CCDC7: variants seen among roughly 807,000 people sequenced by gnomAD.
CCDC7 encodes the protein coiled-coil domain-containing protein 7.
In CCDC7, 183 loss-of-function variants were observed where a neutral mutation model predicts 196.9. The ratio of observed to expected loss-of-function variants is 0.93; its 90% CI spans 0.82 to 1.05. The LOEUF is 1.05. CCDC7 is among the 50% of genes least tolerant of loss of function. The pLI is 0.00. For synonymous variants in CCDC7, 525 were observed against 484.6 expected (o/e 1.08, Z -1.10); for missense variants, 1,540 against 1,482.2 (o/e 1.04, Z -0.64).
intron 29 of CCDC7, among the ~76,000 whole-genome samples, chr10:32,791,078 T>C (rs1220266142): frequency 6.6e-6 from 1 of 152,122 alleles, no homozygotes; most frequent in African/African-American, 2.4e-5. Flanking sequence ...CTACTATCAC[T>C]GCCACAAATT....
intron 31 of CCDC7, among the ~76,000 whole-genome samples, chr10:32,816,078 C>T (rs569062462): frequency 6.7e-6 from 1 of 148,244 alleles, no homozygotes; most frequent in Admixed American, 6.6e-5. Context: ...AGGGAATTCC[C>T]TTTCCTAGTA....
chr10:32,655,540 T>C (rs1336431264), intron 20 of CCDC7, among the ~76,000 whole-genome samples: 1 of 152,172 alleles, frequency 6.6e-6, no homozygotes, highest in Admixed American at 6.5e-5. Context: ...TTTGTTTGTT[T>C]TTGAGAGACA....
chr10:32,521,893 G>C (rs1319278442), intron 11 of CCDC7, among the ~76,000 whole-genome samples: 1 of 152,080 alleles, frequency 6.6e-6, no homozygotes, highest in Non-Finnish European at 1.5e-5. Context: ...CCAGTTTTTA[G>C]AGGATTTTTA....
At chr10:32,838,397 T>C (rs2092765731) in intron 33 of CCDC7, among the ~76,000 whole-genome samples, 1 of 151,994 alleles carries the variant, frequency 6.6e-6, no homozygotes, top group Admixed American at 6.6e-5. Context: ...ACTTCAGAGC[T>C]CGATGACAAG....
intron 28 of CCDC7, among the ~76,000 whole-genome samples, chr10:32,750,273 A>G (rs181988102): frequency 1.2e-3 from 179 of 152,276 alleles, no homozygotes; most frequent in African/African-American, 4.2e-3. Flanking sequence ...TTATGGGTAT[A>G]TAAGTCATGA....
upstream of CCDC7, among the ~76,000 whole-genome samples, chr10:32,446,949 C>CTTCCCCTCTTCCCTT (rs2031407138): frequency 6.0e-5 from 1 of 16,612 alleles, no homozygotes; most frequent in Non-Finnish European, 9.2e-5. Context: ...TTCCCTTCCT[C>CTTCCCCTCTTCCCTT]CCTCCCTCCC....
intron 23 of CCDC7, among the ~76,000 whole-genome samples, chr10:32,693,057 C>T (rs1336185586): frequency 3.9e-5 from 6 of 152,182 alleles, no homozygotes; most frequent in African/African-American, 1.2e-4. Context: ...GATTTGTTTA[C>T]ACTCCACCTC....
intron 21 of CCDC7, among the ~76,000 whole-genome samples, chr10:32,670,662 A>G (rs1183455796): frequency 6.6e-6 from 1 of 151,066 alleles, no homozygotes; most frequent in Non-Finnish European, 1.5e-5. Flanking sequence ...TGTTCTTGCG[A>G]TAGTTTACTG....
At chr10:32,558,577 C>G (rs915527893) in intron 13 of CCDC7, among the ~76,000 whole-genome samples, 1 of 152,122 alleles carries the variant, frequency 6.6e-6, no homozygotes, top group Non-Finnish European at 1.5e-5. Context: ...TTGAATGGCT[C>G]AGATAGGGAT....
At chr10:32,865,879 A>G (rs1054837009) in intron 41 of CCDC7, among the ~76,000 whole-genome samples, 11 of 151,832 alleles carry the variant, frequency 7.2e-5, no homozygotes, top group Non-Finnish European at 1.0e-4. Flanking sequence ...CCATTATTGG[A>G]AAAGGTAAGT....
chr10:32,859,374 A>G (rs2093883730), intron 41 of CCDC7, among the ~76,000 whole-genome samples: 1 of 152,240 alleles, frequency 6.6e-6, no homozygotes, highest in African/African-American at 2.4e-5. Flanking sequence ...AACCAATGAG[A>G]ACAAAGACAG....
At chr10:32,830,611 C>T (rs73258108) in intron 32 of CCDC7, among the ~76,000 whole-genome samples, 7,108 of 151,990 alleles carry the variant, frequency 0.047, 558 homozygotes, top group African/African-American at 0.16. Flanking sequence ...TTTTGATTTA[C>T]GATTGAACGT....
intron 24 of CCDC7, among the ~76,000 whole-genome samples, chr10:32,709,772 C>G (rs1176767204): frequency 6.6e-6 from 1 of 152,154 alleles, no homozygotes; most frequent in South Asian, 2.1e-4. Flanking sequence ...ACCAATTTGC[C>G]TGACCTTAGA....
chr10:32,525,707 G>A (rs1411236432), intron 11 of CCDC7, among the ~76,000 whole-genome samples: 1 of 152,172 alleles, frequency 6.6e-6, no homozygotes, highest in Admixed American at 6.5e-5. Context: ...GACTTTTAAA[G>A]TATTTGAAGG....
chr10:32,759,805 G>A (rs1373973839), intron 28 of CCDC7, among the ~76,000 whole-genome samples: 2 of 152,028 alleles, frequency 1.3e-5, no homozygotes, highest in Non-Finnish European at 2.9e-5. Flanking sequence ...GAGTGAACAG[G>A]CAACCTACAG....
At chr10:32,514,143 CATGATCAAT>C (rs1274994869) in intron 9 of CCDC7, 1 of 152,178 alleles carries the variant, frequency 6.6e-6, no homozygotes, top group Non-Finnish European at 1.5e-5. Flanking sequence ...CTGCAATATA[CATGATCAAT>C]AAACAAAAAC....
At chr10:32,520,782 A>C (rs1364184272) in intron 11 of CCDC7, among the ~76,000 whole-genome samples, 1 of 152,146 alleles carries the variant, frequency 6.6e-6, no homozygotes, top group Admixed American at 6.6e-5. Context: ...AGTATTACTC[A>C]AGAAATTTTT....
At chr10:32,449,993 G>T (rs1322269698), upstream of CCDC7, among the ~76,000 whole-genome samples, 1 of 152,182 alleles carries the variant, frequency 6.6e-6, no homozygotes, top group Non-Finnish European at 1.5e-5. Flanking sequence ...AATGTTTCTT[G>T]TTTATAAGCT....
intron 28 of CCDC7, among the ~76,000 whole-genome samples, chr10:32,760,383 G>T (rs946016396): frequency 2.6e-5 from 4 of 151,820 alleles, no homozygotes; most frequent in African/African-American, 9.7e-5. Flanking sequence ...AAGAAAATGT[G>T]GCACATATAC....
Sources: allele counts gnomAD v4.1 joint callset (sites outside exome capture counted in the v4.1 genomes callset), GRCh38; gene constraint gnomAD v4.1.1; transcripts MANE v1.5; gene names NCBI Gene and HGNC (gene_info 2026-07-23, HGNC 2026-07-21).